The following CCNC variants were observed in gnomAD, a reference collection of about 807,000 sequenced individuals.
CCNC encodes cyclin C, also known as cyclin-C.
Under a neutral mutation model 50.0 loss-of-function variants are expected in CCNC, and 19 were observed. The ratio of observed to expected loss-of-function variants is 0.38; its 90% confidence interval spans 0.27 to 0.56. The LOEUF (loss-of-function observed/expected upper bound fraction) is 0.56, where lower values mean the gene tolerates loss of function less well. CCNC is among the 20% of genes least tolerant of loss of function. The pLI is 0.72. For missense variants in CCNC, 200 were observed against 327.1 expected (o/e 0.61, Z 3.00); for synonymous variants, 93 against 103.7 (o/e 0.90, Z 0.63).
At position 99,551,876 on chromosome 6, in the gene CCNC, A is replaced by G; in HGVS notation, c.366T>C (p.Tyr122=). The G allele has an allele frequency of 7.0e-7, 1 of 1,430,894 alleles. No individual in the cohort carries two copies. Among genetic ancestry groups the G allele is most frequent in the Non-Finnish European group, 9.4e-7 (1 of 1,066,240 alleles). 88.6% of individuals were successfully genotyped at this position (1,430,894 alleles called of 1,614,324 possible). ...ATSVLKTRFS[Y]AFPKEFPYRM... The stretch of plus-strand genomic sequence containing the variant: ...TATAAGGAAATTCCTTTGGAAAGGC[A>G]TATGAAAATCTAGTTTTTACTGCAG... Residue 122 remains tyrosine (Y), a synonymous_variant, in exon 6 of 12, where the codon TAT becomes TAC. Transcript: ENST00000520429.
chr6:99,559,255 G>A (rs937354196), intron 4 of CCNC, among the ~76,000 whole-genome samples: 3 of 150,450 alleles, frequency 2.0e-5, no homozygotes, highest in Non-Finnish European at 4.4e-5. Flanking sequence ...CAGGAATTAC[G>A]TAAGACTTCC....
At chr6:99,544,120 A>G (rs1250694005) in intron 11 of CCNC, 2 of 1,450,374 alleles carry the variant, frequency 1.4e-6, no homozygotes, top group African/African-American at 2.9e-5. Context: ...TTCCTGGAAA[A>G]TGCTGAATAC....
chr6:99,543,982 CCTA>C lies in CCNC; in HGVS notation c.798-376_798-374del, dbSNP rs1209350474. 26 of 1,219,144 alleles carry C rather than the reference CCTA, an allele frequency of 2.1e-5. No individual in the cohort carries two copies. In the South Asian group the frequency reaches 2.4e-4, roughly 11 times the overall value. The allele number at this position is 1,219,144 out of a possible 1,614,324, so 75.5% of individuals were successfully genotyped here. On this transcript the variant is annotated intron_variant, in intron 11 of 11. Coordinates refer to ENST00000520429, the MANE Select transcript of CCNC (RefSeq NM_005190.4). ...TAAATCTTACATATAAAATCCTATT[CCTA>C]CTATTTATGAAAAACAAGAAGTGTT...
chr6:99,552,319 C>T (rs933281221), intron 5 of CCNC, among the ~76,000 whole-genome samples: 1 of 151,956 alleles, frequency 6.6e-6, no homozygotes, highest in African/African-American at 2.4e-5. Flanking sequence ...GAGGATAGTA[C>T]ACCAAAAAAA....
chr6:99,553,744 C>T (rs951330681), intron 5 of CCNC, among the ~76,000 whole-genome samples: 12 of 152,052 alleles, frequency 7.9e-5, no homozygotes, highest in African/African-American at 2.4e-4. Flanking sequence ...TTATACCCAC[C>T]GTTATTGACT....
At chr6:99,566,580 T>G (rs1192764824) in intron 1 of CCNC, among the ~76,000 whole-genome samples, 1 of 152,138 alleles carries the variant, frequency 6.6e-6, no homozygotes, top group South Asian at 2.1e-4. Context: ...CAGACTGTGT[T>G]TTGTTCTACC....
intron 5 of CCNC, among the ~76,000 whole-genome samples, chr6:99,556,772 T>C (rs1231183846): frequency 2.6e-5 from 4 of 152,110 alleles, no homozygotes; most frequent in Non-Finnish European, 5.9e-5. Flanking sequence ...AATACAAAAA[T>C]TAGCCCGGCG....
intron 1 of CCNC, chr6:99,568,294 C>A (rs1159863738): frequency 3.4e-6 from 2 of 595,584 alleles, no homozygotes; most frequent in Non-Finnish European, 3.0e-6. Flanking sequence ...CCTCACAGAT[C>A]CTTCCCTCCC....
intron 4 of CCNC, among the ~76,000 whole-genome samples, chr6:99,559,503 TA>T (rs1322059702): frequency 1.2e-4 from 18 of 152,294 alleles, no homozygotes; most frequent in African/African-American, 4.3e-4. Flanking sequence ...AGGGGAAATG[TA>T]TGTGTACTAA....
chr6:99,545,036 AC>A, intron 11 of CCNC, 75 bp downstream of exon 11: 1 of 702,570 alleles, frequency 1.4e-6, no homozygotes, highest in Non-Finnish European at 2.4e-6. Context: ...AAACTACAAA[AC>A]AACATAATCT....
At chr6:99,549,304 A>G (rs1562488502) in intron 9 of CCNC, 1 of 633,348 alleles carries the variant, frequency 1.6e-6, no homozygotes, top group East Asian at 2.8e-5. Context: ...AAAAAAAAAA[A>G]AACTTACCAA....
chr6:99,552,208 ATTC>A (rs1205211821), intron 5 of CCNC, among the ~76,000 whole-genome samples: 2 of 152,180 alleles, frequency 1.3e-5, no homozygotes, highest in East Asian at 1.9e-4. Flanking sequence ...ACAGAATGGT[ATTC>A]TTCTGTTTTC....
chr6:99,554,937 A>G (rs1264685289), intron 5 of CCNC, among the ~76,000 whole-genome samples: 2 of 152,208 alleles, frequency 1.3e-5, no homozygotes, highest in African/African-American at 2.4e-5. Flanking sequence ...AAATATTTCT[A>G]TATGTAACTA....
intron 10 of CCNC, among the ~76,000 whole-genome samples, chr6:99,546,064 G>A (rs1802057377): frequency 1.3e-5 from 2 of 152,078 alleles, no homozygotes; most frequent in Admixed American, 6.6e-5. Context: ...TGCCTCCCAG[G>A]TTCAAGCAAT....
chr6:99,544,685 T>C (rs563259260), intron 11 of CCNC, among the ~76,000 whole-genome samples: 124 of 151,224 alleles, frequency 8.2e-4, no homozygotes, highest in African/African-American at 2.8e-3. Context: ...TATCAGATCA[T>C]TCATTGAAAT....
rs747057260 is a variant in CCNC, at chr6:99,568,547, T to TA, written c.-21dup. ...TGCCATGGAACACAGCTTGCCCTGA[T>TA]AAAAAAGCACCAGCCGGCGGAGCGG... On this transcript the variant is annotated 5_prime_UTR_variant, in exon 1 of 12. Coordinates refer to ENST00000520429, the MANE Select transcript of CCNC (RefSeq NM_005190.4). 3.7e-6 allele frequency: 6 copies of TA among 1,611,158 alleles called. No individual in the cohort carries two copies. The highest frequency in any genetic ancestry group is 5.1e-6 in the Non-Finnish European group (6 of 1,178,760).
chr6:99,562,123 G>C (rs143300771), intron 2 of CCNC: 357 of 152,812 alleles, frequency 2.3e-3, no homozygotes, highest in Non-Finnish European at 3.8e-3. Flanking sequence ...GCAGTAGCAC[G>C]ATCTTGGCTC....
chr6:99,548,447 A>G (rs1466839791), intron 9 of CCNC, among the ~76,000 whole-genome samples: 1 of 152,220 alleles, frequency 6.6e-6, no homozygotes, highest in African/African-American at 2.4e-5. Context: ...CATTTAAGGA[A>G]TAATTGAACA....
chr6:99,567,042 T>G (rs9484032), intron 1 of CCNC: 1 of 392,458 alleles, frequency 2.5e-6, no homozygotes, highest in Admixed American at 3.3e-5. Flanking sequence ...TTTAGGACTA[T>G]TTGAATTGGG....
Sources: allele counts gnomAD v4.1 joint callset (sites outside exome capture counted in the v4.1 genomes callset), GRCh38; gene constraint gnomAD v4.1.1; transcripts MANE v1.5; gene names NCBI Gene and HGNC (gene_info 2026-07-23, HGNC 2026-07-21).